Variants in TMEM132C observed in about 807,000 individuals in gnomAD.
The protein encoded by TMEM132C is protein phosphatase 1, regulatory subunit 152.
Under a neutral mutation model 61.4 loss-of-function variants are expected in TMEM132C, and 29 were observed. That is an observed-to-expected ratio of 0.47 (90% CI 0.35 to 0.64). The LOEUF is 0.64. TMEM132C is among the 30% of genes least tolerant of loss of function. The pLI is 0.00. For synonymous variants in TMEM132C, 656 were observed against 633.1 expected (o/e 1.04, Z -0.54); for missense variants, 1,408 against 1,476.9 (o/e 0.95, Z 0.76).
chr12:128,614,142 C>A (rs1371187680), intron 3 of TMEM132C, among the ~76,000 whole-genome samples: 1 of 152,208 alleles, frequency 6.6e-6, no homozygotes, highest in South Asian at 2.1e-4. Context: ...CTTCTTGTTT[C>A]CACCAATAGC....
intron 3 of TMEM132C, among the ~76,000 whole-genome samples, chr12:128,583,726 G>A (rs1340528394): frequency 1.3e-5 from 2 of 152,214 alleles, no homozygotes; most frequent in South Asian, 4.1e-4. Context: ...TGGAGGCCCA[G>A]TGGCCACACA....
At chr12:128,408,943 G>A (rs149782132) in intron 1 of TMEM132C, among the ~76,000 whole-genome samples, 20 of 152,282 alleles carry the variant, frequency 1.3e-4, no homozygotes, top group Non-Finnish European at 7.4e-5. Flanking sequence ...ATATGCTGGC[G>A]GGTTGCACAG....
chr12:128,550,517 A>G (rs908567128), intron 3 of TMEM132C, among the ~76,000 whole-genome samples: 124 of 151,940 alleles, frequency 8.2e-4, no homozygotes, highest in African/African-American at 2.7e-3. Context: ...GTTGCCCAGG[A>G]TGGGTTCAAA....
intron 1 of TMEM132C, among the ~76,000 whole-genome samples, chr12:128,370,526 T>TG (rs1241699845): frequency 6.6e-6 from 1 of 151,572 alleles, no homozygotes; most frequent in East Asian, 2.0e-4. Flanking sequence ...TAGAGCCCAG[T>TG]GAGAGTGGGG....
intron 4 of TMEM132C, among the ~76,000 whole-genome samples, chr12:128,653,292 A>G (rs1049938112): frequency 3.9e-5 from 6 of 152,110 alleles, no homozygotes; most frequent in African/African-American, 1.4e-4. Flanking sequence ...AGTGCCTGCT[A>G]ATGGGATTAG....
At chr12:128,485,750 C>T (rs1046041031) in intron 2 of TMEM132C, among the ~76,000 whole-genome samples, 1 of 152,168 alleles carries the variant, frequency 6.6e-6, no homozygotes, top group Admixed American at 6.5e-5. Flanking sequence ...AGTCTCAGGC[C>T]GTACTAAGAT....
intron 1 of TMEM132C, among the ~76,000 whole-genome samples, chr12:128,301,832 T>C (rs1403967667): frequency 1.3e-5 from 2 of 152,184 alleles, no homozygotes; most frequent in African/African-American, 2.4e-5. Flanking sequence ...AGAGGTTTAA[T>C]GGACTCGCAG....
chr12:128,391,664 A>G (rs1053551487), intron 1 of TMEM132C, among the ~76,000 whole-genome samples: 1 of 152,214 alleles, frequency 6.6e-6, no homozygotes, highest in African/African-American at 2.4e-5. Context: ...AGGTATTGTT[A>G]GTATCATTGT....
At position 128,517,685 on chromosome 12, in the gene TMEM132C, T is replaced by C. The variant is rs150369733; in HGVS notation, c.975-26272T>C. Among the ~76,000 whole-genome samples, 82 of 152,244 alleles carry C rather than the reference T, an allele frequency of 5.4e-4. 1 individual carries two copies. The East Asian group carries it at 6.4e-3, about 12-fold the overall frequency. ...GTGTATTGGAACTTTTCATAATAAA[T>C]TTGGGGGTATCATTAATGTAAACAT... On this transcript the variant is annotated intron_variant, in intron 2 of 8. Transcript: ENST00000435159.
At chr12:128,378,188 C>G (rs1874268554) in intron 1 of TMEM132C, among the ~76,000 whole-genome samples, 1 of 151,390 alleles carries the variant, frequency 6.6e-6, no homozygotes, top group South Asian at 2.1e-4. Context: ...AATCTCGGCT[C>G]ACTGCAAGCT....
At chr12:128,547,667 CCA>C (rs1160287144) in intron 3 of TMEM132C, among the ~76,000 whole-genome samples, 1 of 152,042 alleles carries the variant, frequency 6.6e-6, no homozygotes, top group African/African-American at 2.4e-5. Flanking sequence ...CAGATCTTGG[CCA>C]CATCCCCGTG....
At chr12:128,339,486 A>G (rs1056252383) in intron 1 of TMEM132C, among the ~76,000 whole-genome samples, 5 of 151,888 alleles carry the variant, frequency 3.3e-5, no homozygotes, top group African/African-American at 1.2e-4. Context: ...GTTCGGTTCA[A>G]GCTGCAAGTC....
chr12:128,272,948 GTGTC>G (rs1870570630), intron 1 of TMEM132C, among the ~76,000 whole-genome samples: 1 of 152,174 alleles, frequency 6.6e-6, no homozygotes, highest in African/African-American at 2.4e-5. Flanking sequence ...CTCTGAGTAT[GTGTC>G]TTTGGAAGAG....
intron 2 of TMEM132C, among the ~76,000 whole-genome samples, chr12:128,455,277 C>T (rs1454120217): frequency 6.6e-6 from 1 of 152,210 alleles, no homozygotes; most frequent in African/African-American, 2.4e-5. Flanking sequence ...GTGACTGGGT[C>T]TGCCAACTGA....
chr12:128,334,854 T>C (rs1239258777), intron 1 of TMEM132C, among the ~76,000 whole-genome samples: 1 of 152,184 alleles, frequency 6.6e-6, no homozygotes, highest in Non-Finnish European at 1.5e-5. Flanking sequence ...CTTCAGCCTC[T>C]CAAAGTGCTG....
At chr12:128,334,999 G>T (rs142670039) in intron 1 of TMEM132C, among the ~76,000 whole-genome samples, 1,529 of 152,282 alleles carry the variant, frequency 0.01, 15 homozygotes, top group Middle Eastern at 0.02. Flanking sequence ...GTTCTAAATA[G>T]TTGGAGATTT....
chr12:128,317,377 G>A (rs891977225), intron 1 of TMEM132C, among the ~76,000 whole-genome samples: 4 of 152,164 alleles, frequency 2.6e-5, no homozygotes, highest in Admixed American at 6.5e-5. Flanking sequence ...TTAGGGGTCC[G>A]GATCTTGGTA....
At position 128,695,884 on chromosome 12, in the gene TMEM132C, C is replaced by T. The variant is rs769491279; in HGVS notation, c.1710C>T (p.Cys570=). 1.2e-5 allele frequency: 19 copies of T among 1,550,472 alleles called. No homozygotes were observed. The highest frequency in any genetic ancestry group is 1.1e-4 in the South Asian group (9 of 83,994). The change falls in exon 7 of 9, where the codon TGC becomes TGT. Residue 570 remains cysteine (C), a synonymous_variant. Coordinates refer to ENST00000435159, the MANE Select transcript of TMEM132C (RefSeq NM_001136103.3). ...AGGAGGAGCGGCGGGGCCGGGGCTGCGCACTGCAATACCAGCACGCCACCG... is the reference window on the plus strand; with the variant it reads ...AGGAGGAGCGGCGGGGCCGGGGCTGTGCACTGCAATACCAGCACGCCACCG... ...EDEEERRGRG[C]ALQYQHATVR... is the part of the protein sequence containing the mutation.
Position 128,560,838 on chromosome 12 carries a change from G to T in TMEM132C, c.1121+16735G>T, listed in dbSNP as rs146038331. On this transcript the variant is annotated intron_variant, in intron 3 of 8. Transcript: ENST00000435159. ...TCTCTAGTTTACAGATGAAGAAATGGGATCAGAGAGCCCTCGTGTTGAGAG... is the reference window on the plus strand; with the variant it reads ...TCTCTAGTTTACAGATGAAGAAATGTGATCAGAGAGCCCTCGTGTTGAGAG... Among the ~76,000 whole-genome samples, 888 of 152,314 alleles carry T rather than the reference G, an allele frequency of 5.8e-3. 9 individuals are homozygous for T. Among genetic ancestry groups the T allele is most frequent in the African/African-American group, 0.02 (831 of 41,556 alleles).
Sources: allele counts gnomAD v4.1 joint callset (sites outside exome capture counted in the v4.1 genomes callset), GRCh38; gene constraint gnomAD v4.1.1; transcripts MANE v1.5; gene names NCBI Gene and HGNC (gene_info 2026-07-23, HGNC 2026-07-21).